Variants in TPH2 observed in about 807,000 individuals in gnomAD.
TPH2 encodes the protein tryptophan 5-hydroxylase 2.
In TPH2, 27 loss-of-function variants were observed where a neutral mutation model predicts 59.1. The observed-to-expected ratio is 0.46, with a 90% CI of 0.34 to 0.63. TPH2 has a LOEUF of 0.63. Among genes scored for constraint, TPH2 ranks in the 30% least tolerant of loss-of-function variants. The probability of loss-of-function intolerance (pLI) is 0.01; values close to 1 mark genes in which losing one functional copy is unlikely to be tolerated. For synonymous variants in TPH2, 220 were observed against 210.5 expected (o/e 1.05, Z -0.39); for missense variants, 523 against 588.3 (o/e 0.89, Z 1.15).
intron 8 of TPH2, among the ~76,000 whole-genome samples, chr12:72,002,446 C>T (rs1872849042): frequency 6.6e-6 from 1 of 152,004 alleles, no homozygotes; most frequent in South Asian, 2.1e-4. Context: ...TTTATCTGAC[C>T]AGGAAAAGGG....
At chr12:71,986,891 C>A (rs1399012082) in intron 7 of TPH2, among the ~76,000 whole-genome samples, 2 of 152,036 alleles carry the variant, frequency 1.3e-5, no homozygotes, top group Admixed American at 6.6e-5. Context: ...ATTGCAAGTT[C>A]AGAAGAAGAA....
intron 8 of TPH2, among the ~76,000 whole-genome samples, chr12:72,002,784 G>A (rs1207132090): frequency 6.6e-6 from 1 of 150,670 alleles, no homozygotes; most frequent in Non-Finnish European, 1.5e-5. Context: ...GGAAAGAAGT[G>A]TCAGGAAATT....
chr12:71,982,469 C>G (rs935501577), intron 7 of TPH2, among the ~76,000 whole-genome samples: 1 of 152,186 alleles, frequency 6.6e-6, no homozygotes. Context: ...TTCATCCTTC[C>G]AGAAATATAC....
chr12:71,961,607 A>G lies in TPH2; in HGVS notation c.609-10912A>G, dbSNP rs376561289. ...ACTGGGAATTTCAGCTCTTTTCTGT[A>G]TCAAGTTCTTTGAGCTCAAGCTCCT... On this transcript the variant is annotated intron_variant, in intron 5 of 10. Coordinates refer to ENST00000333850, the MANE Select transcript of TPH2 (RefSeq NM_173353.4). 4 of 1,352,026 alleles carry G rather than the reference A, an allele frequency of 3.0e-6. No homozygotes were observed. In the African/African-American group the frequency reaches 5.9e-5, roughly 20 times the overall value. 83.8% of individuals were successfully genotyped at this position (1,352,026 alleles called of 1,614,324 possible).
At chr12:71,959,415 G>A (rs1018589025) in intron 5 of TPH2, among the ~76,000 whole-genome samples, 6 of 152,224 alleles carry the variant, frequency 3.9e-5, no homozygotes, top group Admixed American at 6.5e-5. Context: ...AGTACTGTGC[G>A]CACTAGGGCT....
At chr12:71,980,709 G>A (rs1872249838) in intron 7 of TPH2, among the ~76,000 whole-genome samples, 2 of 152,124 alleles carry the variant, frequency 1.3e-5, no homozygotes, top group African/African-American at 4.8e-5. Flanking sequence ...AAGGCACTTT[G>A]TTAGTTCCCT....
intron 8 of TPH2, among the ~76,000 whole-genome samples, chr12:72,012,754 T>C (rs1013200260): frequency 2.0e-5 from 3 of 152,192 alleles, no homozygotes; most frequent in African/African-American, 7.2e-5. Context: ...GACATTCCTG[T>C]TAGTCCTTAA....
intron 9 of TPH2, among the ~76,000 whole-genome samples, chr12:72,022,752 C>T (rs186614442): frequency 5.9e-5 from 9 of 152,214 alleles, no homozygotes; most frequent in Admixed American, 5.9e-4. Context: ...AAATGTATGC[C>T]CAAATCTTGG....
intron 5 of TPH2, among the ~76,000 whole-genome samples, chr12:71,952,654 C>G (rs1383265869): frequency 6.6e-6 from 1 of 152,118 alleles, no homozygotes; most frequent in African/African-American, 2.4e-5. Context: ...CTGACCTAGG[C>G]AGGATAACAG....
intron 8 of TPH2, among the ~76,000 whole-genome samples, chr12:72,018,286 G>T (rs1231086858): frequency 6.6e-6 from 1 of 152,216 alleles, no homozygotes; most frequent in Non-Finnish European, 1.5e-5. Flanking sequence ...GGAAGGAAGA[G>T]CACAGGGGCT....
In TPH2 at chr12:72,031,905, C is replaced by T. The variant is rs1014277337; in HGVS notation, c.*210C>T. The T allele has an allele frequency of 2.0e-5, 12 of 601,928 alleles. No homozygotes were observed. The highest frequency in any genetic ancestry group is 9.3e-5 in the African/African-American group (5 of 53,892). The allele number at this position is 601,928 out of a possible 1,614,324, so 37.3% of individuals were successfully genotyped here. A position where few individuals can be genotyped will look rare whatever the true frequency, so the allele number is the denominator to read the frequency against. On this transcript the variant is annotated 3_prime_UTR_variant, in exon 11 of 11. Transcript: ENST00000333850. The stretch of plus-strand genomic sequence containing the variant: ...GATAACCACTCATTGTATGAAATAA[C>T]GTATTATGTTTAAACATCTTAAAAA...
intron 8 of TPH2, among the ~76,000 whole-genome samples, chr12:72,014,409 GAGA>G (rs1329068962): frequency 1.9e-5 from 1 of 53,476 alleles, no homozygotes; most frequent in Non-Finnish European, 4.1e-5. Context: ...TTTTTTTTTT[GAGA>G]AGGAGTCCCA....
chr12:71,984,172 T>A (rs970094276), intron 7 of TPH2, among the ~76,000 whole-genome samples: 2 of 152,222 alleles, frequency 1.3e-5, no homozygotes, highest in African/African-American at 4.8e-5. Context: ...TTAAGGAACA[T>A]CTTTTTTGTT....
At chr12:72,005,647 G>A (rs996116719) in intron 8 of TPH2, among the ~76,000 whole-genome samples, 4 of 152,104 alleles carry the variant, frequency 2.6e-5, no homozygotes, top group African/African-American at 9.7e-5. Context: ...TATCTACAGA[G>A]GAAAGAATAA....
At chr12:71,943,653 A>G (rs1414941301) in intron 2 of TPH2, among the ~76,000 whole-genome samples, 1 of 151,770 alleles carries the variant, frequency 6.6e-6, no homozygotes, top group African/African-American at 2.4e-5. Flanking sequence ...CAATCATCTA[A>G]GTTGTTTGTT....
intron 7 of TPH2, among the ~76,000 whole-genome samples, chr12:71,981,784 C>T (rs1872284823): frequency 6.6e-6 from 1 of 151,830 alleles, no homozygotes; most frequent in Non-Finnish European, 1.5e-5. Flanking sequence ...TGTGAGGTGC[C>T]CATGGCTGGA....
Position 71,966,595 on chromosome 12 carries a change from A to T in TPH2, c.609-5924A>T, listed in dbSNP as rs549074627. On this transcript the variant is annotated intron_variant, in intron 5 of 10. Coordinates refer to ENST00000333850, the MANE Select transcript of TPH2 (RefSeq NM_173353.4). ...CATCTCCTGCCCTAAGGAACATGTA[A>T]TGAAATAAAATAGTAAATGAGTTCA... 2.0e-5 allele frequency among the ~76,000 whole-genome samples: 3 copies of T among 152,348 alleles called. No individual in the cohort carries two copies. In the South Asian group the frequency reaches 6.2e-4, roughly 32 times the overall value.
intron 8 of TPH2, among the ~76,000 whole-genome samples, chr12:72,004,664 A>G (rs1419857704): frequency 1.3e-5 from 2 of 152,244 alleles, no homozygotes; most frequent in African/African-American, 4.8e-5. Flanking sequence ...GTAGGCTCTC[A>G]AAATCTTAGA....
At position 71,944,289 on chromosome 12, in the gene TPH2, C is replaced by T. The variant is rs1488477018; in HGVS notation, c.256-5C>T. The stretch of plus-strand genomic sequence containing the variant: ...GGTGATTTTCAGATGCTCGTGTTTC[C>T]ACAGGAAAAACGTGTCAACATGGTT... On this transcript the variant is annotated splice_polypyrimidine_tract_variant and splice_region_variant and intron_variant, in intron 2 of 10. Coordinates refer to ENST00000333850, the MANE Select transcript of TPH2 (RefSeq NM_173353.4). The T allele has an allele frequency of 1.9e-6, 3 of 1,613,502 alleles. No homozygotes were observed. The Admixed American group carries it at 5.0e-5, about 27-fold the overall frequency.
Sources: gnomAD v4.1 joint callset for allele counts (sites outside exome capture counted in the v4.1 genomes callset) on GRCh38, gnomAD v4.1.1 for gene constraint, MANE v1.5 for transcripts, NCBI Gene and HGNC (gene_info 2026-07-23, HGNC 2026-07-21) for gene names.